Variants in ELMO1 observed in about 807,000 individuals in gnomAD.
ELMO1 encodes engulfment and cell motility protein 1.
A neutral mutation model predicts 98.9 loss-of-function variants in ELMO1; 26 were observed. That is an observed-to-expected ratio of 0.26 (90% CI 0.19 to 0.36). The LOEUF is 0.36. ELMO1 is among the 10% of genes least tolerant of loss of function. ELMO1 has a pLI of 1.00. For synonymous variants in ELMO1, 346 were observed against 346.0 expected (o/e 1.00, Z 0.00); for missense variants, 627 against 935.2 (o/e 0.67, Z 4.30).
At chr7:37,026,978 G>A (rs1794616833) in intron 15 of ELMO1, among the ~76,000 whole-genome samples, 1 of 151,984 alleles carries the variant, frequency 6.6e-6, no homozygotes, top group African/African-American at 2.4e-5. Flanking sequence ...TTTCTTCTAT[G>A]TGGCTTTCAT....
At chr7:36,897,859 A>G (rs1806166031) in intron 16 of ELMO1, among the ~76,000 whole-genome samples, 1 of 152,234 alleles carries the variant, frequency 6.6e-6, no homozygotes, top group Non-Finnish European at 1.5e-5. Flanking sequence ...AAGAAAGTAT[A>G]GAACTTTTCC....
chr7:36,919,690 T>C (rs1184692849), intron 16 of ELMO1, among the ~76,000 whole-genome samples: 1 of 152,102 alleles, frequency 6.6e-6, no homozygotes, highest in Non-Finnish European at 1.5e-5. Context: ...AAGCTCTGAT[T>C]CCCCATTGCT....
chr7:37,295,254 G>C (rs1056129718), intron 4 of ELMO1, among the ~76,000 whole-genome samples: 2 of 152,212 alleles, frequency 1.3e-5, no homozygotes, highest in African/African-American at 4.8e-5. Context: ...TAAGGTTTTA[G>C]CTATGCTTGG....
intron 15 of ELMO1, among the ~76,000 whole-genome samples, chr7:37,084,759 CT>C (rs930490621): frequency 0.02 from 2,800 of 141,774 alleles, 26 homozygotes; most frequent in Non-Finnish European, 0.023. Context: ...AAGCAAATTC[CT>C]TTTTTTTTTT....
chr7:37,383,971 G>A (rs1465282946), intron 1 of ELMO1, among the ~76,000 whole-genome samples: 6 of 152,104 alleles, frequency 3.9e-5, no homozygotes, highest in East Asian at 1.9e-4. Flanking sequence ...GCCCGCCACC[G>A]CGCCCGGCTA....
At chr7:37,440,711 G>A (rs1805378324) in intron 1 of ELMO1, among the ~76,000 whole-genome samples, 1 of 151,304 alleles carries the variant, frequency 6.6e-6, no homozygotes, top group Admixed American at 6.6e-5. Context: ...AGAGCTTGCA[G>A]TGAGCCAAGA....
intron 5 of ELMO1, among the ~76,000 whole-genome samples, chr7:37,266,760 C>G (rs1428921949): frequency 6.6e-6 from 1 of 152,074 alleles, no homozygotes; most frequent in Non-Finnish European, 1.5e-5. Flanking sequence ...CACCTGTAAT[C>G]CCAGCACTTT....
chr7:37,214,727 G>T (rs111787607), intron 11 of ELMO1, among the ~76,000 whole-genome samples: 5 of 152,198 alleles, frequency 3.3e-5, no homozygotes, highest in Admixed American at 3.3e-4. Context: ...AGAAAAGCAT[G>T]TTAACTCATG....
chr7:36,974,584 C>T (rs1483999503), intron 16 of ELMO1, among the ~76,000 whole-genome samples: 4 of 152,046 alleles, frequency 2.6e-5, no homozygotes, highest in South Asian at 2.1e-4. Flanking sequence ...GGATTGTAAA[C>T]GCACCAATCA....
chr7:36,943,211 A>G (rs986774535), intron 16 of ELMO1, among the ~76,000 whole-genome samples: 4 of 152,250 alleles, frequency 2.6e-5, no homozygotes, highest in Non-Finnish European at 4.4e-5. Flanking sequence ...CACATTCATT[A>G]AAGTCCTTCC....
chr7:37,155,219 G>A (rs980211696), intron 13 of ELMO1, among the ~76,000 whole-genome samples: 1 of 152,136 alleles, frequency 6.6e-6, no homozygotes, highest in African/African-American at 2.4e-5. Context: ...AAATTGTAAA[G>A]ACCACTGATG....
At chr7:37,184,974 T>G (rs987580422) in intron 13 of ELMO1, among the ~76,000 whole-genome samples, 2 of 152,214 alleles carry the variant, frequency 1.3e-5, no homozygotes, top group Admixed American at 1.3e-4. Flanking sequence ...TTGACTAATC[T>G]TCATATCTAT....
intron 4 of ELMO1, among the ~76,000 whole-genome samples, chr7:37,285,283 A>C (rs1189796590): frequency 6.6e-6 from 1 of 152,238 alleles, no homozygotes; most frequent in African/African-American, 2.4e-5. Context: ...TTCTGGACCC[A>C]TAAGAGTTCT....
At chr7:37,395,741 AC>A (rs1294856450) in intron 1 of ELMO1, among the ~76,000 whole-genome samples, 1 of 152,008 alleles carries the variant, frequency 6.6e-6, no homozygotes, top group East Asian at 1.9e-4. Flanking sequence ...TAAAGCAAGC[AC>A]CTCTGTTACT....
At chr7:36,885,832 G>A (rs1253763340) in intron 18 of ELMO1, among the ~76,000 whole-genome samples, 3 of 152,124 alleles carry the variant, frequency 2.0e-5, no homozygotes, top group African/African-American at 7.2e-5. Flanking sequence ...CTGGCTCACT[G>A]CTTTTTTCCT....
intron 13 of ELMO1, among the ~76,000 whole-genome samples, chr7:37,154,131 G>T (rs1419625222): frequency 6.6e-6 from 1 of 152,178 alleles, no homozygotes; most frequent in African/African-American, 2.4e-5. Context: ...AACAAAAAAG[G>T]ACATCCACAC....
intron 10 of ELMO1, 100 bp from the exon 11 acceptor site, chr7:37,216,795 A>T: frequency 8.8e-7 from 1 of 1,141,260 alleles, no homozygotes; most frequent in Non-Finnish European, 1.3e-6. Flanking sequence ...TCGTAACTGT[A>T]TATCAGCAGT....
intron 15 of ELMO1, among the ~76,000 whole-genome samples, chr7:37,077,782 C>G (rs1426146572): frequency 6.6e-6 from 1 of 152,108 alleles, no homozygotes; most frequent in East Asian, 1.9e-4. Context: ...GAGAGAGGAG[C>G]TAGTGCATTT....
At chr7:37,447,452 G>C (rs954432848) in intron 1 of ELMO1, among the ~76,000 whole-genome samples, 6 of 152,012 alleles carry the variant, frequency 3.9e-5, no homozygotes, top group Non-Finnish European at 7.4e-5. Context: ...CTCGGGAGCC[G>C]TCCAGGGACT....
Sources: allele counts gnomAD v4.1 joint callset (sites outside exome capture counted in the v4.1 genomes callset), GRCh38; gene constraint gnomAD v4.1.1; transcripts MANE v1.5; gene names NCBI Gene and HGNC (gene_info 2026-07-23, HGNC 2026-07-21).